Variants in XRCC5 observed in about 807,000 individuals in gnomAD.
XRCC5 encodes X-ray repair cross complementing 5, also known as DNA repair protein Ku80.
A neutral mutation model predicts 95.7 loss-of-function variants in XRCC5; 12 were observed. That is an observed-to-expected ratio of 0.13 (90% CI 0.08 to 0.20). XRCC5 has a LOEUF of 0.20. Ranked by LOEUF, XRCC5 falls within the 10% of genes least tolerant of loss-of-function variation. The pLI, the probability that XRCC5 is intolerant of heterozygous loss-of-function variation, is 1.00. For missense variants in XRCC5, 595 were observed against 873.9 expected (o/e 0.68, Z 4.02); for synonymous variants, 281 against 290.3 (o/e 0.97, Z 0.33).
At chr2:216,182,086 A>G (rs1689399455) in intron 16 of XRCC5, among the ~76,000 whole-genome samples, 1 of 152,178 alleles carries the variant, frequency 6.6e-6, no homozygotes, top group Non-Finnish European at 1.5e-5. Context: ...CAAATTCTTG[A>G]GGCATCCTAG....
rs1696546076 is a variant in XRCC5, at chr2:216,109,530, C to T, written c.21+73C>T. The T allele has an allele frequency of 3.1e-6, 5 of 1,594,538 alleles. No individual in the cohort carries two copies. The South Asian group carries it at 5.6e-5, about 18-fold the overall frequency. On this transcript the variant is annotated intron_variant, in intron 1 of 20. Coordinates refer to ENST00000392132, the MANE Select transcript of XRCC5 (RefSeq NM_021141.4). ...GAGAGGGTGGTTCGGAAGCAGGAAT[C>T]GTGGGATCGCGGTCAAGACAAAGAA...
At chr2:216,171,643 A>T (rs1181175871) in intron 16 of XRCC5, among the ~76,000 whole-genome samples, 1 of 152,232 alleles carries the variant, frequency 6.6e-6, no homozygotes, top group Admixed American at 6.5e-5. Flanking sequence ...TTTCATTGGT[A>T]GCCATTTGAA....
chr2:216,144,918 T>C (rs1688594037), intron 13 of XRCC5, among the ~76,000 whole-genome samples: 1 of 152,152 alleles, frequency 6.6e-6, no homozygotes, highest in East Asian at 1.9e-4. Context: ...CCAAACCAAA[T>C]GCTCCTACCT....
At chr2:216,169,870 T>TA (rs57399789) in intron 16 of XRCC5, among the ~76,000 whole-genome samples, 48,974 of 132,634 alleles carry the variant, frequency 0.37, 10,531 homozygotes, top group African/African-American at 0.63. Flanking sequence ...ATGGTGAAAC[T>TA]AAAAAAAAAA....
chr2:216,127,767 G>A, intron 8 of XRCC5, 93 bp downstream of exon 8: 1 of 1,351,718 alleles, frequency 7.4e-7, no homozygotes. Flanking sequence ...TTTGTTTAAA[G>A]TTATTTCTTT....
At chr2:216,183,604 T>C (rs1419903207) in intron 16 of XRCC5, among the ~76,000 whole-genome samples, 2 of 152,224 alleles carry the variant, frequency 1.3e-5, no homozygotes, top group African/African-American at 4.8e-5. Context: ...CCACTGGTCA[T>C]GCATAATATT....
At chr2:216,115,832 A>G (rs1696686290) in intron 2 of XRCC5, among the ~76,000 whole-genome samples, 1 of 151,642 alleles carries the variant, frequency 6.6e-6, no homozygotes. Context: ...ATAAAGTGTT[A>G]CAGATAAACC....
At chr2:216,128,881 C>G (rs1237460333) in intron 8 of XRCC5, among the ~76,000 whole-genome samples, 1 of 152,194 alleles carries the variant, frequency 6.6e-6, no homozygotes, top group Non-Finnish European at 1.5e-5. Context: ...TTCACATATT[C>G]AAAGCCCCAC....
chr2:216,159,495 GT>G (rs930819780), intron 14 of XRCC5, among the ~76,000 whole-genome samples: 35 of 149,088 alleles, frequency 2.3e-4, no homozygotes, highest in African/African-American at 7.4e-4. Flanking sequence ...TTTCGGGGAA[GT>G]TTTTTTTTTA....
At chr2:216,142,324 TA>T (rs1697185592) in intron 13 of XRCC5, among the ~76,000 whole-genome samples, 1 of 152,108 alleles carries the variant, frequency 6.6e-6, no homozygotes, top group South Asian at 2.1e-4. Context: ...ATTTCATAAT[TA>T]AAGGGAGCAT....
intron 10 of XRCC5, among the ~76,000 whole-genome samples, chr2:216,135,721 C>T (rs548255867): frequency 1.3e-4 from 20 of 151,604 alleles, no homozygotes; most frequent in South Asian, 4.2e-4. Context: ...ATTGCTTGAA[C>T]GGGGGACACA....
At chr2:216,131,845 A>C (rs1434888467) in intron 9 of XRCC5, among the ~76,000 whole-genome samples, 1 of 152,208 alleles carries the variant, frequency 6.6e-6, no homozygotes, top group African/African-American at 2.4e-5. Context: ...CCATGCTTTT[A>C]CAGCACTCCA....
chr2:216,167,761 C>T (rs1689082998), intron 16 of XRCC5, among the ~76,000 whole-genome samples: 1 of 152,038 alleles, frequency 6.6e-6, no homozygotes, highest in Non-Finnish European at 1.5e-5. Flanking sequence ...CTTTCAAATA[C>T]CTTGAGCATC....
At chr2:216,194,033 T>C (rs1030190113) in intron 18 of XRCC5, among the ~76,000 whole-genome samples, 4 of 152,218 alleles carry the variant, frequency 2.6e-5, no homozygotes, top group African/African-American at 9.6e-5. Context: ...CAATAGCCAG[T>C]AACATGGCCA....
At chr2:216,137,786 T>G (rs2106012947) in intron 11 of XRCC5, among the ~76,000 whole-genome samples, 1 of 152,350 alleles carries the variant, frequency 6.6e-6, no homozygotes, top group African/African-American at 2.4e-5. Context: ...GGCACATATC[T>G]TGACTTCCAG....
chr2:216,117,728 T>TA lies in XRCC5; in HGVS notation c.320-17dup. 1 of 1,613,722 alleles carries TA rather than the reference T, an allele frequency of 6.2e-7. No homozygotes were observed. The highest frequency in any genetic ancestry group is 8.5e-7 in the Non-Finnish European group (1 of 1,179,610). The stretch of plus-strand genomic sequence containing the variant: ...TGAAGAGACTGTTTGGTGATATCCC[T>TA]ATCCTTAACTAGCTGAGTCCTGGAT... On this transcript the variant is annotated splice_polypyrimidine_tract_variant and intron_variant, in intron 3 of 20. Transcript: ENST00000392132.
intron 14 of XRCC5, chr2:216,156,788 C>A: frequency 1.9e-6 from 1 of 518,228 alleles, no homozygotes; most frequent in Non-Finnish European, 3.9e-6. Context: ...TGAGAGTAAC[C>A]ACACAATCCT....
At chr2:216,157,448 T>A (rs939854661) in intron 14 of XRCC5, among the ~76,000 whole-genome samples, 7 of 152,094 alleles carry the variant, frequency 4.6e-5, no homozygotes, top group African/African-American at 1.7e-4. Flanking sequence ...TTAGCCAGGA[T>A]GATCTCGATC....
rs145177742 is a variant in XRCC5, at chr2:216,151,254, A to G, written c.1670+2978A>G. ...AAATATACTAAATATTACCCTCATC[A>G]TATAAAAGCATTGCTTCCATTTATG... On this transcript the variant is annotated intron_variant, in intron 14 of 20. Transcript: ENST00000392132. 2.6e-5 allele frequency among the ~76,000 whole-genome samples: 4 copies of G among 152,356 alleles called. No individual in the cohort carries two copies. The East Asian group carries it at 7.7e-4, about 29-fold the overall frequency.
Sources: allele counts gnomAD v4.1 joint callset (sites outside exome capture counted in the v4.1 genomes callset), GRCh38; gene constraint gnomAD v4.1.1; transcripts MANE v1.5; gene names NCBI Gene and HGNC (gene_info 2026-07-23, HGNC 2026-07-21).